Variants in CMC2 observed in about 807,000 individuals in gnomAD.
The protein encoded by CMC2 is COX assembly mitochondrial protein 2 homolog.
CMC2 carries 5 observed loss-of-function variants against 7.5 expected under a neutral mutation model. The ratio of observed to expected loss-of-function variants is 0.66; its 90% CI spans 0.35 to 1.40. The LOEUF (loss-of-function observed/expected upper bound fraction) is 1.40. Among genes scored for constraint, CMC2 ranks in the 40% most tolerant of loss-of-function variants. The pLI, the probability that CMC2 is intolerant of heterozygous loss-of-function variation, is 0.04. For missense variants in CMC2, 115 were observed against 92.3 expected (o/e 1.25, Z -1.01); for synonymous variants, 37 against 31.4 (o/e 1.18, Z -0.60).
intron 2 of CMC2, among the ~76,000 whole-genome samples, chr16:80,990,111 T>TTC (rs1967856216): frequency 1.3e-5 from 2 of 151,922 alleles, no homozygotes; most frequent in Admixed American, 6.6e-5. Context: ...CCTCCCCTTT[T>TTC]TTTGAGTATA....
At position 80,968,902 on chromosome 16, in the gene CMC2, C is replaced by T. The variant is rs1170223598; in HGVS notation, c.*7191G>A. ...GAAAAAGATGGAAGATACTGAGTCT[C>T]TACGAGGAATGGTGTGAGAAACAAG... On this transcript the variant is annotated 3_prime_UTR_variant, in exon 4 of 4. Transcript: ENST00000219400. 1 of 152,218 alleles carries T rather than the reference C, an allele frequency of 6.6e-6. No individual in the cohort carries two copies. The allele number at this position is 152,218 out of a possible 1,614,324, so 9.4% of individuals were successfully genotyped here.
At chr16:80,976,844 A>G (rs1912431398) in intron 3 of CMC2, among the ~76,000 whole-genome samples, 1 of 152,204 alleles carries the variant, frequency 6.6e-6, no homozygotes, top group Non-Finnish European at 1.5e-5. Context: ...TGCGCTGAAC[A>G]TTGCTAGTTT....
At chr16:80,990,927 A>G (rs1198779307) in intron 2 of CMC2, among the ~76,000 whole-genome samples, 1 of 151,088 alleles carries the variant, frequency 6.6e-6, no homozygotes, top group East Asian at 2.0e-4. Flanking sequence ...GTGTCTCACT[A>G]TGTTGCCCAT....
intron 2 of CMC2, among the ~76,000 whole-genome samples, chr16:80,986,187 A>G (rs1006771614): frequency 4.6e-5 from 7 of 152,154 alleles, no homozygotes; most frequent in African/African-American, 1.4e-4. Context: ...CATCTCTACT[A>G]AAAATACAAA....
At chr16:80,998,385 A>C (rs1238508636) in intron 1 of CMC2, 1 of 152,164 alleles carries the variant, frequency 6.6e-6, no homozygotes, top group Non-Finnish European at 1.5e-5. Flanking sequence ...AACAAACGCT[A>C]AAGAGGATGT....
chr16:81,005,161 G>A (rs11150333), intron 1 of CMC2, among the ~76,000 whole-genome samples: 38,831 of 152,158 alleles, frequency 0.26, 5,200 homozygotes, highest in East Asian at 0.41. Context: ...AGGCGCGGTG[G>A]CTCACGCCTG....
At chr16:81,001,742 C>T (rs932021427) in intron 1 of CMC2, among the ~76,000 whole-genome samples, 2 of 152,068 alleles carry the variant, frequency 1.3e-5, no homozygotes, top group Non-Finnish European at 2.9e-5. Flanking sequence ...AAACAAAAAA[C>T]TGTCTGAACA....
chr16:80,978,271 G>A (rs1318201475), intron 3 of CMC2: 42 of 1,125,718 alleles, frequency 3.7e-5, no homozygotes, highest in Non-Finnish European at 3.7e-5. Flanking sequence ...ATTGCCCCCA[G>A]CAATCAGGTT....
In CMC2 at chr16:80,972,405, T is replaced by C. The variant is rs890538869; in HGVS notation, c.*3688A>G. ...TTTTTTCTAAGAACAGAATGATTTGTATGTCTACCAGGCAGATCAATGGCA... is the reference window on the plus strand; with the variant it reads ...TTTTTTCTAAGAACAGAATGATTTGCATGTCTACCAGGCAGATCAATGGCA... On this transcript the variant is annotated 3_prime_UTR_variant, in exon 4 of 4. Coordinates refer to ENST00000219400, the MANE Select transcript of CMC2 (RefSeq NM_020188.5). The C allele has an allele frequency of 6.6e-6, 1 of 152,216 alleles. No homozygotes were observed. The highest frequency in any genetic ancestry group is 2.4e-5 in the African/African-American group (1 of 41,450). 9.4% of individuals were successfully genotyped at this position (152,216 alleles called of 1,614,324 possible).
rs970646198 is a variant in CMC2, at chr16:80,997,713, C to A, written c.-35-284G>T. On this transcript the variant is annotated intron_variant, in intron 1 of 3. Transcript: ENST00000219400. ...GAAATAAGCACTAAAGCAGAAACAG[C>A]TTGCTTATATTAATAAGCCTGACTT... 21 of 196,946 alleles carry A rather than the reference C, an allele frequency of 1.1e-4. No individual in the cohort carries two copies. The East Asian group carries it at 2.3e-3, about 22-fold the overall frequency. The allele number at this position is 196,946 out of a possible 1,614,324, so 12.2% of individuals were successfully genotyped here. A position where few individuals can be genotyped will look rare whatever the true frequency, so the allele number is the denominator to read the frequency against.
At chr16:80,987,346 G>T (rs898009539) in intron 2 of CMC2, among the ~76,000 whole-genome samples, 2 of 152,138 alleles carry the variant, frequency 1.3e-5, no homozygotes, top group African/African-American at 4.8e-5. Context: ...GAAAAACCCA[G>T]TACTTAGTGA....
At chr16:80,993,445 G>A (rs1968166424) in intron 2 of CMC2, among the ~76,000 whole-genome samples, 1 of 152,174 alleles carries the variant, frequency 6.6e-6, no homozygotes, top group Non-Finnish European at 1.5e-5. Context: ...GAGATAAGCA[G>A]CAAAAGAACT....
At position 80,970,028 on chromosome 16, in the gene CMC2, T is replaced by G. The variant is rs1911810307; in HGVS notation, c.*6065A>C. On this transcript the variant is annotated 3_prime_UTR_variant, in exon 4 of 4. Transcript: ENST00000219400. ...TAGCGGTGAGCATTAAGTATGTCTT[T>G]ATTGTTTATATAATGAAGATTAAAA... 1 of 152,218 alleles carries G rather than the reference T, an allele frequency of 6.6e-6. No individual in the cohort carries two copies. 9.4% of individuals were successfully genotyped at this position (152,218 alleles called of 1,614,324 possible).
At chr16:80,985,961 A>G (rs999617444) in intron 2 of CMC2, among the ~76,000 whole-genome samples, 1 of 150,868 alleles carries the variant, frequency 6.6e-6, no homozygotes, top group Non-Finnish European at 1.5e-5. Flanking sequence ...AGTGGTGAAG[A>G]CTAACAGCTA....
intron 2 of CMC2, chr16:80,983,635 G>A (rs1967300320): frequency 6.6e-6 from 1 of 152,184 alleles, no homozygotes; most frequent in South Asian, 2.1e-4. Context: ...AATGCTTAGT[G>A]CCAGAGCCCT....
At chr16:80,995,340 TATC>T (rs1968324465) in intron 2 of CMC2, among the ~76,000 whole-genome samples, 1 of 149,356 alleles carries the variant, frequency 6.7e-6, no homozygotes, top group Non-Finnish European at 1.5e-5. Context: ...CTCAAAAACA[TATC>T]ATGGTGCAAA....
rs1911830011 is a variant in CMC2 at position 80,970,314 on chromosome 16, T to C, written c.*5779A>G. The C allele has an allele frequency of 1.3e-5, 2 of 152,216 alleles. No homozygotes were observed. Among genetic ancestry groups the C allele is most frequent in the African/African-American group, 2.4e-5 (1 of 41,456 alleles). The allele number at this position is 152,216 out of a possible 1,614,324, so 9.4% of individuals were successfully genotyped here. On this transcript the variant is annotated 3_prime_UTR_variant, in exon 4 of 4. Coordinates refer to ENST00000219400, the MANE Select transcript of CMC2 (RefSeq NM_020188.5). ...TCACCGATTAATGGACATTAATTCCTATCTGGAATCCTAACTGTAAAGGAA... is the reference window on the plus strand; with the variant it reads ...TCACCGATTAATGGACATTAATTCCCATCTGGAATCCTAACTGTAAAGGAA...
At chr16:80,979,406 T>C (rs1328962836) in intron 3 of CMC2, among the ~76,000 whole-genome samples, 1 of 151,956 alleles carries the variant, frequency 6.6e-6, no homozygotes, top group East Asian at 1.9e-4. Context: ...CACTAACAGA[T>C]CTCAGGCCAG....
chr16:80,976,634 C>T (rs891061642), intron 3 of CMC2, among the ~76,000 whole-genome samples: 2 of 152,054 alleles, frequency 1.3e-5, no homozygotes, highest in Non-Finnish European at 1.5e-5. Context: ...TACTCATTCC[C>T]AAGTTTTTCA....
Sources: allele counts gnomAD v4.1 joint callset (sites outside exome capture counted in the v4.1 genomes callset), GRCh38; gene constraint gnomAD v4.1.1; transcripts MANE v1.5; gene names NCBI Gene and HGNC (gene_info 2026-07-23, HGNC 2026-07-21).